The following DEFB130A variants were observed in gnomAD, a reference collection of about 807,000 sequenced individuals.
DEFB130A encodes beta-defensin 130A.
At position 12,311,746 on chromosome 8, in the gene DEFB130A, G is replaced by C. The variant is rs183590831; in HGVS notation, c.59-603C>G. Among the ~76,000 whole-genome samples, 686 of 106,724 alleles carry C rather than the reference G, an allele frequency of 6.4e-3. 74 individuals carry two copies. The highest frequency in any genetic ancestry group is 0.024 in the African/African-American group (645 of 26,402). The allele number at this position is 106,724 out of a possible 152,430, so 70.0% of individuals were successfully genotyped here. A position where few individuals can be genotyped will look rare whatever the true frequency, so the allele number is the denominator to read the frequency against. On this transcript the variant is annotated intron_variant, in intron 1 of 1. Coordinates refer to ENST00000400079, the MANE Select transcript of DEFB130A (RefSeq NM_001037804.1). ...TCATAGATAGGTGGAGGAATGGATA[G>C]ATAGATAGATAGATAGATAGATAGA...
chr8:12,316,720 C>T (rs1313189305), intron 1 of DEFB130A, among the ~76,000 whole-genome samples: 1 of 133,168 alleles, frequency 7.5e-6, no homozygotes, highest in Non-Finnish European at 1.6e-5. Context: ...AAAAGTAGCT[C>T]AACACCACTA....
rs368560500 is a variant in DEFB130A at position 12,316,886 on chromosome 8, G to A, written c.58+1373C>T. ...GTTGGTGGGAATGTAACAGTCTGAA[G>A]ATTTCTCAAAGAACTTAAAACAGAG... is the stretch of plus-strand genomic sequence containing the variant. On this transcript the variant is annotated intron_variant, in intron 1 of 1. Transcript: ENST00000400079. Among the ~76,000 whole-genome samples the A allele has an allele frequency of 1.3e-3, 181 of 140,596 alleles. 3 individuals carry two copies. Among genetic ancestry groups the A allele is most frequent in the South Asian group, 0.012 (49 of 4,198 alleles). The allele number at this position is 140,596 out of a possible 152,430, so 92.2% of individuals were successfully genotyped here. A position where few individuals can be genotyped will look rare whatever the true frequency, so the allele number is the denominator to read the frequency against.
intron 1 of DEFB130A, among the ~76,000 whole-genome samples, chr8:12,316,794 T>C (rs932066809): frequency 6.7e-6 from 1 of 149,312 alleles, no homozygotes; most frequent in South Asian, 2.1e-4. Context: ...AGAATGGCTA[T>C]TATTAAAAAG....
chr8:12,317,264 GA>G (rs1563229598), intron 1 of DEFB130A, among the ~76,000 whole-genome samples: 3 of 139,590 alleles, frequency 2.1e-5, no homozygotes, highest in Non-Finnish European at 4.5e-5. Flanking sequence ...TGGGACATGG[GA>G]GACTACTAGA....
intron 1 of DEFB130A, among the ~76,000 whole-genome samples, chr8:12,311,768 T>C (rs1300305954): frequency 2.1e-4 from 23 of 110,352 alleles, no homozygotes; most frequent in African/African-American, 5.6e-4. Flanking sequence ...GATAGATAGA[T>C]AGACAGACAG....
chr8:12,311,761 A>T (rs1372447897), intron 1 of DEFB130A, among the ~76,000 whole-genome samples: 2 of 110,960 alleles, frequency 1.8e-5, no homozygotes, highest in African/African-American at 6.9e-5. Context: ...ATAGATAGAT[A>T]GATAGATAGA....
chr8:12,311,741 G>GGATA (rs1277347699), intron 1 of DEFB130A, among the ~76,000 whole-genome samples: 68 of 105,180 alleles, frequency 6.5e-4, no homozygotes, highest in Non-Finnish European at 9.2e-4. Flanking sequence ...GTGGAGGAAT[G>GGATA]GATAGATAGA....
At chr8:12,316,891 C>T (rs949965292) in intron 1 of DEFB130A, among the ~76,000 whole-genome samples, 6 of 136,914 alleles carry the variant, frequency 4.4e-5, no homozygotes, top group Non-Finnish European at 7.8e-5. Flanking sequence ...CTGAAGATTT[C>T]TCAAAGAACT....
At chr8:12,311,805 C>G (rs1442843504) in intron 1 of DEFB130A, among the ~76,000 whole-genome samples, 4 of 113,950 alleles carry the variant, frequency 3.5e-5, no homozygotes, top group Non-Finnish European at 7.4e-5. Context: ...ACTCACAGAG[C>G]TAAAAGGTAT....
At position 12,316,864 on chromosome 8, in the gene DEFB130A, G is replaced by C. The variant is rs941220933; in HGVS notation, c.58+1395C>G. On this transcript the variant is annotated intron_variant, in intron 1 of 1. Coordinates refer to ENST00000400079, the MANE Select transcript of DEFB130A (RefSeq NM_001037804.1). ...AGAAAAGGAGTGCTTATACACTGTT[G>C]GTGGGAATGTAACAGTCTGAAGATT... 4.3e-4 allele frequency among the ~76,000 whole-genome samples: 63 copies of C among 145,688 alleles called. 4 individuals carry two copies. The highest frequency in any genetic ancestry group is 1.6e-3 in the African/African-American group (60 of 37,482).
At chr8:12,311,859 T>G (rs76094734) in intron 1 of DEFB130A, among the ~76,000 whole-genome samples, 10,198 of 68,460 alleles carry the variant, frequency 0.15, 1,879 homozygotes, top group East Asian at 0.7. Context: ...TCATCTGGTT[T>G]TTGAGAAGCA....
At chr8:12,317,223 G>A (rs1809572343) in intron 1 of DEFB130A, among the ~76,000 whole-genome samples, 2 of 133,100 alleles carry the variant, frequency 1.5e-5, no homozygotes, top group Non-Finnish European at 3.1e-5. Context: ...GTAAGTGGGA[G>A]CTAAACACTG....
intron 1 of DEFB130A, among the ~76,000 whole-genome samples, chr8:12,311,757 A>G (rs545797386): frequency 9.1e-6 from 1 of 110,218 alleles, no homozygotes; most frequent in Non-Finnish European, 1.8e-5. Context: ...ATAGATAGAT[A>G]GATAGATAGA....
chr8:12,314,668 GA>G (rs1809486364), intron 1 of DEFB130A, among the ~76,000 whole-genome samples: 1 of 32,650 alleles, frequency 3.1e-5, no homozygotes, highest in African/African-American at 1.3e-4. Context: ...ACATTCTTAA[GA>G]AATTTTTAAG....
At position 12,316,575 on chromosome 8, in the gene DEFB130A, T is replaced by G. The variant is rs374586402; in HGVS notation, c.58+1684A>C. ...AGAAAATATCTGCTAACTATGCATCTGACAAAAATTTAATATCCGGAATCT... is the reference window on the plus strand; with the variant it reads ...AGAAAATATCTGCTAACTATGCATCGGACAAAAATTTAATATCCGGAATCT... On this transcript the variant is annotated intron_variant, in intron 1 of 1. Transcript: ENST00000400079. Among the ~76,000 whole-genome samples the G allele has an allele frequency of 5.0e-5, 2 of 39,690 alleles. 1 individual carries two copies. The highest frequency in any genetic ancestry group is 6.5e-4 in the Admixed American group (2 of 3,072). The allele number at this position is 39,690 out of a possible 152,430, so 26.0% of individuals were successfully genotyped here.
At chr8:12,316,671 C>T (rs1171376646) in intron 1 of DEFB130A, among the ~76,000 whole-genome samples, 1 of 62,774 alleles carries the variant, frequency 1.6e-5, no homozygotes, top group Non-Finnish European at 2.8e-5. Flanking sequence ...TGAACAGACT[C>T]TTCTCAAAAA....
At chr8:12,317,312 T>C (rs1474929773) in intron 1 of DEFB130A, among the ~76,000 whole-genome samples, 1 of 137,556 alleles carries the variant, frequency 7.3e-6, no homozygotes, top group Non-Finnish European at 1.5e-5. Flanking sequence ...AAAAACTATT[T>C]GGTACTATGC....
intron 1 of DEFB130A, among the ~76,000 whole-genome samples, chr8:12,316,879 G>A (rs1809554608): frequency 7.1e-6 from 1 of 140,140 alleles, no homozygotes; most frequent in East Asian, 2.1e-4. Context: ...GAATGTAACA[G>A]TCTGAAGATT....
intron 1 of DEFB130A, among the ~76,000 whole-genome samples, chr8:12,311,997 A>T (rs1351694132): frequency 2.4e-5 from 1 of 40,892 alleles, no homozygotes; most frequent in Non-Finnish European, 4.4e-5. Context: ...TAAGAAAAAC[A>T]CTTTTGCTGA....
Sources: allele counts gnomAD v4.1 joint callset (sites outside exome capture counted in the v4.1 genomes callset), GRCh38; gene constraint gnomAD v4.1.1; transcripts MANE v1.5; gene names NCBI Gene and HGNC (gene_info 2026-07-23, HGNC 2026-07-21).